Variants in KIF26B observed in about 807,000 individuals in gnomAD.
KIF26B encodes kinesin-like protein KIF26B.
A neutral mutation model predicts 151.2 loss-of-function variants in KIF26B; 63 were observed. The observed-to-expected ratio is 0.42, with a 90% CI of 0.34 to 0.51. The LOEUF (loss-of-function observed/expected upper bound fraction) is 0.51, where lower values mean the gene tolerates loss of function less well. KIF26B is among the 20% of genes least tolerant of loss of function. KIF26B has a pLI of 0.07. For synonymous variants in KIF26B, 1,357 were observed against 1,262.1 expected (o/e 1.08, Z -1.59); for missense variants, 2,813 against 2,913.6 (o/e 0.97, Z 0.79).
rs532095036 is a variant in KIF26B, at chr1:245,708,972, A to G, written c.*6366A>G. 6.6e-6 allele frequency: 1 copy of G among 152,356 alleles called. No individual in the cohort carries two copies. The highest frequency in any genetic ancestry group is 2.4e-5 in the African/African-American group (1 of 41,584). 9.4% of individuals were successfully genotyped at this position (152,356 alleles called of 1,614,324 possible). A position where few individuals can be genotyped will look rare whatever the true frequency, so the allele number is the denominator to read the frequency against. On this transcript the variant is annotated 3_prime_UTR_variant, in exon 15 of 15. Coordinates refer to ENST00000407071, the MANE Select transcript of KIF26B (RefSeq NM_018012.4). ...TTTTACAATTCAATGGTAGTGCTTA[A>G]TGTTACTGTCTGAAATCCACTGTTT...
chr1:245,681,791 G>A (rs2044443034), intron 10 of KIF26B, among the ~76,000 whole-genome samples: 1 of 152,230 alleles, frequency 6.6e-6, no homozygotes, highest in African/African-American at 2.4e-5. Flanking sequence ...TTCTTGGCTA[G>A]TGTTTTATTT....
chr1:245,378,256 T>C (rs1673322719), intron 3 of KIF26B, among the ~76,000 whole-genome samples: 2 of 152,120 alleles, frequency 1.3e-5, no homozygotes, highest in Non-Finnish European at 2.9e-5. Context: ...GCTGTGTGCC[T>C]TCAAGGGGAA....
chr1:245,249,602 C>T (rs1670405720), intron 2 of KIF26B, among the ~76,000 whole-genome samples: 1 of 150,480 alleles, frequency 6.6e-6, no homozygotes, highest in Non-Finnish European at 1.5e-5. Flanking sequence ...CCTGCCTCAG[C>T]CTCCCTAGTA....
intron 5 of KIF26B, among the ~76,000 whole-genome samples, chr1:245,543,320 T>C (rs1048185020): frequency 6.6e-6 from 1 of 152,234 alleles, no homozygotes; most frequent in African/African-American, 2.4e-5. Flanking sequence ...ATGTACCATA[T>C]GTAGTGACCA....
At chr1:245,614,669 C>A (rs374593606) in intron 9 of KIF26B, 1 of 152,368 alleles carries the variant, frequency 6.6e-6, no homozygotes, top group South Asian at 2.1e-4. Context: ...GCGGGCGAGG[C>A]GCCCCAGGGA....
At chr1:245,382,376 T>C (rs981307070) in intron 3 of KIF26B, among the ~76,000 whole-genome samples, 3 of 152,190 alleles carry the variant, frequency 2.0e-5, no homozygotes, top group African/African-American at 7.2e-5. Context: ...GGTAAATTAC[T>C]TGACCACTCA....
intron 2 of KIF26B, among the ~76,000 whole-genome samples, chr1:245,172,802 T>G (rs111788106): frequency 0.039 from 5,905 of 151,982 alleles, 278 homozygotes; most frequent in African/African-American, 0.12. Flanking sequence ...AGAGCGAGAC[T>G]CCATCTCAAA....
intron 5 of KIF26B, among the ~76,000 whole-genome samples, chr1:245,587,530 C>G (rs187926886): frequency 6.6e-6 from 1 of 152,172 alleles, no homozygotes; most frequent in Non-Finnish European, 1.5e-5. Flanking sequence ...GCCATTGTTC[C>G]GTCCCGTCTG....
At chr1:245,466,298 C>G (rs546199844) in intron 4 of KIF26B, among the ~76,000 whole-genome samples, 2 of 152,282 alleles carry the variant, frequency 1.3e-5, no homozygotes, top group Non-Finnish European at 2.9e-5. Context: ...ACGCCGGCTC[C>G]CAGGTCAGAT....
In KIF26B at chr1:245,646,114, G is replaced by A; in HGVS notation, c.2099-7G>A. 6.2e-7 allele frequency: 1 copy of A among 1,613,686 alleles called. No homozygotes were observed. Among genetic ancestry groups the A allele is most frequent in the Non-Finnish European group, 8.5e-7 (1 of 1,179,714 alleles). On this transcript the variant is annotated splice_polypyrimidine_tract_variant and splice_region_variant and intron_variant, in intron 9 of 14. Transcript: ENST00000407071. ...CCATTTCTCTTTTATCTTCTCCCCT[G>A]TGGTAGTGTCTGGAGGTCGCAGCCG...
intron 2 of KIF26B, among the ~76,000 whole-genome samples, chr1:245,362,251 G>A (rs549569356): frequency 1.3e-5 from 2 of 151,426 alleles, no homozygotes; most frequent in Non-Finnish European, 1.5e-5. Context: ...AGGAAGGGCC[G>A]GGTGCGGTGG....
chr1:245,210,488 C>G (rs1669495192), intron 2 of KIF26B, among the ~76,000 whole-genome samples: 3 of 137,632 alleles, frequency 2.2e-5, no homozygotes, highest in African/African-American at 8.1e-5. Context: ...TTTGAACTGT[C>G]TGGAACCCAA....
chr1:245,295,644 T>C (rs1030565389), intron 2 of KIF26B, among the ~76,000 whole-genome samples: 4 of 152,236 alleles, frequency 2.6e-5, no homozygotes, highest in African/African-American at 4.8e-5. Context: ...GAGAGTGAAC[T>C]GGGAAGAGAT....
At chr1:245,549,733 C>T (rs1035800485) in intron 5 of KIF26B, among the ~76,000 whole-genome samples, 5 of 152,012 alleles carry the variant, frequency 3.3e-5, no homozygotes, top group African/African-American at 1.2e-4. Flanking sequence ...CTTTCTAATG[C>T]CTCATTGAAC....
chr1:245,549,832 A>G (rs932639543), intron 5 of KIF26B, among the ~76,000 whole-genome samples: 3 of 151,992 alleles, frequency 2.0e-5, no homozygotes, highest in African/African-American at 7.3e-5. Context: ...CCAGGCTGGA[A>G]TGCAATGGCA....
intron 11 of KIF26B, 45 bp downstream of exon 11, chr1:245,684,440 T>C (rs1262840143): frequency 6.5e-7 from 1 of 1,529,124 alleles, no homozygotes; most frequent in Non-Finnish European, 8.8e-7. Context: ...AGGGAGCCTT[T>C]GGAGCCGTGC....
At chr1:245,482,019 G>A (rs1279782247) in intron 4 of KIF26B, among the ~76,000 whole-genome samples, 1 of 151,788 alleles carries the variant, frequency 6.6e-6, no homozygotes, top group Non-Finnish European at 1.5e-5. Context: ...GAGCATATTT[G>A]ATTCTAGGAG....
intron 4 of KIF26B, among the ~76,000 whole-genome samples, chr1:245,423,763 T>A (rs1658554825): frequency 6.6e-6 from 1 of 152,224 alleles, no homozygotes; most frequent in Admixed American, 6.5e-5. Context: ...CATCTCCATA[T>A]AGCGTCGCTC....
chr1:245,519,884 GCATGACTGTATTTGGTTTAGCC>G (rs1239165518), intron 4 of KIF26B, among the ~76,000 whole-genome samples: 1 of 152,162 alleles, frequency 6.6e-6, no homozygotes, highest in Non-Finnish European at 1.5e-5. Flanking sequence ...GTTATACGGT[GCATGACTGTATTTGGTTTAGCC>G]CATGTTTTTA....
Sources: gnomAD v4.1 joint callset for allele counts (sites outside exome capture counted in the v4.1 genomes callset) on GRCh38, gnomAD v4.1.1 for gene constraint, MANE v1.5 for transcripts, NCBI Gene and HGNC (gene_info 2026-07-23, HGNC 2026-07-21) for gene names.